Variants in FRK observed in about 807,000 individuals in gnomAD.
The protein encoded by FRK is fyn related Src family tyrosine kinase, also known as tyrosine-protein kinase FRK.
Under a neutral mutation model 56.4 loss-of-function variants are expected in FRK, and 51 were observed. That is an observed-to-expected ratio of 0.90 (90% CI 0.72 to 1.14). The LOEUF (loss-of-function observed/expected upper bound fraction) is 1.14, where lower values mean the gene tolerates loss of function less well. Ranked by LOEUF, FRK falls within the 50% of genes most tolerant of loss-of-function variation. The pLI, the probability that FRK is intolerant of heterozygous loss-of-function variation, is 0.00. For synonymous variants in FRK, 245 were observed against 217.9 expected (o/e 1.12, Z -1.10); for missense variants, 570 against 601.4 (o/e 0.95, Z 0.55).
chr6:115,962,385 G>T (rs1163931125), intron 4 of FRK, among the ~76,000 whole-genome samples: 4 of 149,184 alleles, frequency 2.7e-5, no homozygotes, highest in African/African-American at 7.4e-5. Flanking sequence ...GGAGCACCCA[G>T]ATTCATAAAG....
At chr6:115,980,169 T>C (rs182275706) in intron 2 of FRK, among the ~76,000 whole-genome samples, 2 of 152,186 alleles carry the variant, frequency 1.3e-5, no homozygotes, top group Admixed American at 1.3e-4. Flanking sequence ...ATAAAGGTAT[T>C]TGTATGGGAA....
At chr6:115,959,139 A>T (rs1441006259) in intron 4 of FRK, among the ~76,000 whole-genome samples, 1 of 152,190 alleles carries the variant, frequency 6.6e-6, no homozygotes, top group African/African-American at 2.4e-5. Context: ...CTACTGTGGG[A>T]GTTCATTTCA....
chr6:115,976,324 A>G (rs1266718959), intron 2 of FRK, among the ~76,000 whole-genome samples: 1 of 152,182 alleles, frequency 6.6e-6, no homozygotes, highest in Admixed American at 6.6e-5. Flanking sequence ...CATATTATTC[A>G]GAACATATTA....
chr6:115,974,627 A>G (rs1421339856), intron 2 of FRK, among the ~76,000 whole-genome samples: 1 of 152,166 alleles, frequency 6.6e-6, no homozygotes, highest in African/African-American at 2.4e-5. Context: ...TTTTTAAAAA[A>G]ATCTCCAAAT....
At chr6:116,062,941 A>G (rs562639998), upstream of FRK, among the ~76,000 whole-genome samples, 3 of 152,342 alleles carry the variant, frequency 2.0e-5, no homozygotes, top group Admixed American at 6.5e-5. Flanking sequence ...GACAGAAAAC[A>G]GAATATTCTT....
rs1772000537 is a variant in FRK, at chr6:115,933,920, T to C, written c.*8494A>G. On this transcript the variant is annotated 3_prime_UTR_variant, in exon 8 of 8. Coordinates refer to ENST00000606080, the MANE Select transcript of FRK (RefSeq NM_002031.3). ...TTTATAAAGGAATCAAGGGGTTCTA[T>C]AATCTTTAGCTTCACATGACCCATT... 1 of 152,198 alleles carries C rather than the reference T, an allele frequency of 6.6e-6. No homozygotes were observed. Among genetic ancestry groups the C allele is most frequent in the Non-Finnish European group, 1.5e-5 (1 of 68,030 alleles). 9.4% of individuals were successfully genotyped at this position (152,198 alleles called of 1,614,324 possible).
rs182877384 is a variant in FRK at position 116,021,367 on chromosome 6, G to T, written c.345-17369C>A. On this transcript the variant is annotated intron_variant, in intron 1 of 7. Transcript: ENST00000606080. ...TAAGAGAAATGTATCATGAGGAAAC[G>T]TTTCATAATTGACATATATGATCAA... Among the ~76,000 whole-genome samples the T allele has an allele frequency of 7.2e-5, 11 of 152,148 alleles. No homozygotes were observed. In the East Asian group the frequency reaches 1.9e-3, roughly 27 times the overall value.
In FRK at chr6:115,936,617, T is replaced by C. The variant is rs553078884; in HGVS notation, c.*5797A>G. On this transcript the variant is annotated 3_prime_UTR_variant, in exon 8 of 8. Coordinates refer to ENST00000606080, the MANE Select transcript of FRK (RefSeq NM_002031.3). The stretch of plus-strand genomic sequence containing the variant: ...GAATTGCTAACTAGAATAACAAGTA[T>C]AGAGAAGCACATAAATGACCTGATG... The C allele has an allele frequency of 4.8e-4, 73 of 152,158 alleles. No individual in the cohort carries two copies. Among genetic ancestry groups the C allele is most frequent in the African/African-American group, 1.6e-3 (68 of 41,526 alleles). 9.4% of individuals were successfully genotyped at this position (152,158 alleles called of 1,614,324 possible).
Position 116,020,560 on chromosome 6 carries a change from G to A in FRK, c.345-16562C>T, listed in dbSNP as rs145059921. Reference sequence around the variant, plus strand: ...CCACCTCAGCTTCCCAAAGTGTTGGGATTACAGACGTGAGCCACTGCACTG... The same window carrying A: ...CCACCTCAGCTTCCCAAAGTGTTGGAATTACAGACGTGAGCCACTGCACTG... On this transcript the variant is annotated intron_variant, in intron 1 of 7. Coordinates refer to ENST00000606080, the MANE Select transcript of FRK (RefSeq NM_002031.3). 1.4e-3 allele frequency among the ~76,000 whole-genome samples: 213 copies of A among 152,242 alleles called. 3 individuals are homozygous for A. The East Asian group carries it at 0.037, about 26-fold the overall frequency.
intron 1 of FRK, among the ~76,000 whole-genome samples, chr6:116,035,654 T>C (rs575541649): frequency 5.9e-5 from 9 of 152,150 alleles, no homozygotes; most frequent in Non-Finnish European, 1.3e-4. Flanking sequence ...AAAATTGTCA[T>C]ACGCTGTATG....
chr6:116,010,589 G>C (rs970363347), intron 1 of FRK, among the ~76,000 whole-genome samples: 3 of 152,120 alleles, frequency 2.0e-5, no homozygotes, highest in Non-Finnish European at 4.4e-5. Context: ...AATGACTAAA[G>C]GACAATATGT....
intron 5 of FRK, among the ~76,000 whole-genome samples, chr6:115,950,469 A>AC (rs1467062129): frequency 5.3e-5 from 8 of 152,250 alleles, no homozygotes; most frequent in Non-Finnish European, 1.2e-4. Flanking sequence ...CCACAATGAG[A>AC]TAGCATGTCA....
At chr6:116,035,549 C>A (rs1398265573) in intron 1 of FRK, among the ~76,000 whole-genome samples, 1 of 152,038 alleles carries the variant, frequency 6.6e-6, no homozygotes, top group African/African-American at 2.4e-5. Context: ...TTATAGTCTG[C>A]TAATATAACT....
At chr6:116,064,556 A>G (rs1562313651), upstream of FRK, among the ~76,000 whole-genome samples, 1 of 152,170 alleles carries the variant, frequency 6.6e-6, no homozygotes, top group African/African-American at 2.4e-5. Context: ...TGAAAGTTCT[A>G]TAGTGTGAAA....
chr6:116,017,041 A>T (rs1468884028), intron 1 of FRK, among the ~76,000 whole-genome samples: 9 of 152,218 alleles, frequency 5.9e-5, no homozygotes, highest in Admixed American at 5.9e-4. Context: ...CTGAAATCTG[A>T]AAATTAGTTT....
At chr6:115,971,027 C>G (rs761801909) in intron 2 of FRK, among the ~76,000 whole-genome samples, 8 of 152,072 alleles carry the variant, frequency 5.3e-5, no homozygotes, top group Non-Finnish European at 1.0e-4. Context: ...TGCTGGTTAC[C>G]TGGATGAATT....
At chr6:116,053,141 G>T (rs867927715) in intron 1 of FRK, among the ~76,000 whole-genome samples, 1 of 151,916 alleles carries the variant, frequency 6.6e-6, no homozygotes, top group Middle Eastern at 3.2e-3. Context: ...ATGTTCTTAG[G>T]CATACCATAG....
At chr6:116,042,555 AG>A (rs1372468829) in intron 1 of FRK, among the ~76,000 whole-genome samples, 7 of 152,256 alleles carry the variant, frequency 4.6e-5, no homozygotes, top group Admixed American at 4.6e-4. Context: ...TGTCATCACC[AG>A]GCCTGCCTTA....
the FRK span, among the ~76,000 whole-genome samples, chr6:116,070,927 T>C: frequency 2.0e-5 from 3 of 152,142 alleles, no homozygotes; most frequent in Admixed American, 6.6e-5. Flanking sequence ...TATTTTGATA[T>C]TGGACATTTT....
Sources: gnomAD v4.1 joint callset for allele counts (sites outside exome capture counted in the v4.1 genomes callset) on GRCh38, gnomAD v4.1.1 for gene constraint, MANE v1.5 for transcripts, NCBI Gene and HGNC (gene_info 2026-07-23, HGNC 2026-07-21) for gene names.